DYM: variants seen among roughly 807,000 people sequenced by gnomAD.
The protein encoded by DYM is dyggve-Melchior-Clausen syndrome protein.
DYM carries 78 observed loss-of-function variants against 93.1 expected under a neutral mutation model. The ratio of observed to expected loss-of-function variants is 0.84; its 90% CI spans 0.70 to 1.01. The LOEUF is 1.01. DYM is among the 50% of genes least tolerant of loss of function. DYM has a pLI of 0.00. For synonymous variants in DYM, 321 were observed against 319.7 expected (o/e 1.00, Z -0.04); for missense variants, 789 against 845.0 (o/e 0.93, Z 0.82).
Position 49,374,760 on chromosome 18 carries a change from A to T in DYM, c.421+3807T>A, listed in dbSNP as rs368546066. Among the ~76,000 whole-genome samples, 13 of 152,316 alleles carry T rather than the reference A, an allele frequency of 8.5e-5. No homozygotes were observed. The East Asian group carries it at 1.9e-3, about 23-fold the overall frequency. On this transcript the variant is annotated intron_variant, in intron 5 of 17. Coordinates refer to ENST00000675505, the MANE Select transcript of DYM (RefSeq NM_001353214.3). ...GATCACATGAGGTCAGGAGTTCAAG[A>T]CCAGCCTGACCAACATGGTGAAACC... is the stretch of plus-strand genomic sequence containing the variant.
At chr18:49,390,886 T>C (rs917866728) in intron 3 of DYM, 2 of 153,622 alleles carry the variant, frequency 1.3e-5, no homozygotes, top group African/African-American at 2.4e-5. Flanking sequence ...CACATTGTCT[T>C]ACTTTTCAAA....
chr18:49,071,229 A>G (rs1307789697), intron 17 of DYM, among the ~76,000 whole-genome samples: 1 of 152,248 alleles, frequency 6.6e-6, no homozygotes, highest in Non-Finnish European at 1.5e-5. Flanking sequence ...AACAAGAACT[A>G]GGCACATGAT....
intron 5 of DYM, among the ~76,000 whole-genome samples, chr18:49,366,205 T>C (rs2066503495): frequency 6.6e-6 from 1 of 152,216 alleles, no homozygotes; most frequent in Admixed American, 6.5e-5. Flanking sequence ...AAGCAAGCCA[T>C]TCATATTGCA....
chr18:49,225,585 T>C (rs929608088), intron 13 of DYM, among the ~76,000 whole-genome samples: 2 of 152,088 alleles, frequency 1.3e-5, no homozygotes, highest in Non-Finnish European at 2.9e-5. Context: ...CATAACAATA[T>C]TAGCATCTTT....
intron 1 of DYM, chr18:49,431,821 G>A (rs910061229): frequency 9.2e-5 from 14 of 152,018 alleles, no homozygotes; most frequent in South Asian, 4.1e-4. Context: ...ATGCTTCCCC[G>A]ATGATGCACA....
At chr18:49,432,489 T>C (rs755291547) in intron 1 of DYM, among the ~76,000 whole-genome samples, 1 of 151,352 alleles carries the variant, frequency 6.6e-6, no homozygotes, top group Non-Finnish European at 1.5e-5. Flanking sequence ...ATATAAAATG[T>C]TTAAAAAAAA....
chr18:49,130,271 A>G (rs192536303), intron 15 of DYM, among the ~76,000 whole-genome samples: 6 of 152,338 alleles, frequency 3.9e-5, no homozygotes, highest in African/African-American at 2.4e-5. Flanking sequence ...AGCATAAAAT[A>G]AAGAGCTGCT....
At chr18:49,446,737 G>A (rs1468129965) in intron 1 of DYM, among the ~76,000 whole-genome samples, 1 of 152,148 alleles carries the variant, frequency 6.6e-6, no homozygotes, top group African/African-American at 2.4e-5. Context: ...AAGCTTCCAA[G>A]GGAAAGCTTC....
intron 6 of DYM, among the ~76,000 whole-genome samples, chr18:49,352,250 T>C (rs553125519): frequency 6.6e-6 from 1 of 152,352 alleles, no homozygotes; most frequent in African/African-American, 2.4e-5. Flanking sequence ...ACATGGCTTC[T>C]GCCTGGGGTG....
intron 17 of DYM, among the ~76,000 whole-genome samples, chr18:49,092,195 C>T (rs1158221773): frequency 6.6e-6 from 1 of 152,170 alleles, no homozygotes; most frequent in African/African-American, 2.4e-5. Context: ...ATAATACAAG[C>T]CACATTAATA....
At chr18:49,405,429 A>T (rs1295711975) in intron 2 of DYM, among the ~76,000 whole-genome samples, 1 of 152,146 alleles carries the variant, frequency 6.6e-6, no homozygotes, top group African/African-American at 2.4e-5. Context: ...TTATATGGTG[A>T]AAGGTAGTGG....
intron 1 of DYM, among the ~76,000 whole-genome samples, chr18:49,450,042 G>A (rs568098125): frequency 6.6e-6 from 1 of 152,268 alleles, no homozygotes; most frequent in South Asian, 2.1e-4. Context: ...AAGAAAGCAT[G>A]AAAATATAAA....
chr18:49,318,797 CTTTTTTT>C (rs932617888), intron 8 of DYM, among the ~76,000 whole-genome samples: 10 of 114,384 alleles, frequency 8.7e-5, no homozygotes, highest in African/African-American at 3.6e-4. Context: ...ATTTCTTTTT[CTTTTTTT>C]TTTTTTTTTT....
chr18:49,203,871 TAAAAAAAAAAAAAAA>T (rs71165370), intron 14 of DYM, among the ~76,000 whole-genome samples: 7 of 63,548 alleles, frequency 1.1e-4, no homozygotes, highest in African/African-American at 2.9e-4. Flanking sequence ...TTTAAAAAAG[TAAAAAAAAAAAAAAA>T]AAAAAAAAAA....
rs149395082 is a variant in DYM at position 49,402,398 on chromosome 18, A to G, written c.141-10753T>C. On this transcript the variant is annotated intron_variant, in intron 2 of 17. Coordinates refer to ENST00000675505, the MANE Select transcript of DYM (RefSeq NM_001353214.3). ...TGGTTAAATATCTGACCCTGGCTAC[A>G]ACCATCCTGAGATTTTTAGGGGGGA... is the stretch of plus-strand genomic sequence containing the variant. Among the ~76,000 whole-genome samples, 587 of 152,314 alleles carry G rather than the reference A, an allele frequency of 3.9e-3. 2 individuals are homozygous for G. The highest frequency in any genetic ancestry group is 6.0e-3 in the Non-Finnish European group (405 of 68,030).
rs536242287 is a variant in DYM, at chr18:49,243,302, C to T, written c.1460+13708G>A. ...AGATGTCTGACACATGGTAGCCACACAGAAAATATCTGATAAATGATTATA... is the reference window on the plus strand; with the variant it reads ...AGATGTCTGACACATGGTAGCCACATAGAAAATATCTGATAAATGATTATA... On this transcript the variant is annotated intron_variant, in intron 13 of 17. Transcript: ENST00000675505. 2.0e-5 allele frequency among the ~76,000 whole-genome samples: 3 copies of T among 152,234 alleles called. No homozygotes were observed. The South Asian group carries it at 6.2e-4, about 32-fold the overall frequency.
rs570438588 is a variant in DYM, at chr18:49,373,496, ACT to A, written c.421+5069_421+5070del. 1.6e-3 allele frequency among the ~76,000 whole-genome samples: 249 copies of A among 152,056 alleles called. 1 individual carries two copies. The highest frequency in any genetic ancestry group is 5.5e-3 in the African/African-American group (228 of 41,468). ...GTAGCAGTAAGGATGACCAGAGGTC[ACT>A]CTCGTGGCCATTTTGGTTTTGGTGG... is the stretch of plus-strand genomic sequence containing the variant. On this transcript the variant is annotated intron_variant, in intron 5 of 17. Coordinates refer to ENST00000675505, the MANE Select transcript of DYM (RefSeq NM_001353214.3).
chr18:49,169,927 T>G lies in DYM; in HGVS notation c.1626-6140A>C, dbSNP rs78435115. On this transcript the variant is annotated intron_variant, in intron 14 of 17. Transcript: ENST00000675505. ...AGGATGCCTTAAAGCAAATGGGAGC[T>G]ATGTGGAAGGCAGAGACAGCATGGA... 3.0e-3 allele frequency among the ~76,000 whole-genome samples: 459 copies of G among 152,032 alleles called. 3 individuals carry two copies. The highest frequency in any genetic ancestry group is 0.01 in the African/African-American group (424 of 41,442).
chr18:49,340,006 A>C (rs1385980616), intron 6 of DYM, among the ~76,000 whole-genome samples: 1 of 152,126 alleles, frequency 6.6e-6, no homozygotes, highest in Non-Finnish European at 1.5e-5. Context: ...GCTGGAGTGC[A>C]GTGGCGCCAT....
Sources: allele counts gnomAD v4.1 joint callset (sites outside exome capture counted in the v4.1 genomes callset), GRCh38; gene constraint gnomAD v4.1.1; transcripts MANE v1.5; gene names NCBI Gene and HGNC (gene_info 2026-07-23, HGNC 2026-07-21).